The following TRDN variants were observed in gnomAD, a reference collection of about 807,000 sequenced individuals.
TRDN encodes triadin.
A neutral mutation model predicts 149.7 loss-of-function variants in TRDN; 161 were observed. The ratio of observed to expected loss-of-function variants is 1.08; its 90% CI spans 0.95 to 1.23. TRDN has a LOEUF of 1.23. Ranked by LOEUF, TRDN falls within the 50% of genes most tolerant of loss-of-function variation. TRDN has a pLI of 0.00. For missense variants in TRDN, 896 were observed against 823.5 expected (o/e 1.09, Z -1.08); for synonymous variants, 294 against 250.5 (o/e 1.17, Z -1.64).
intron 23 of TRDN, among the ~76,000 whole-genome samples, chr6:123,320,233 C>A (rs1319539874): frequency 6.6e-6 from 1 of 151,248 alleles, no homozygotes; most frequent in Non-Finnish European, 1.5e-5. Flanking sequence ...TATTTTGCAC[C>A]AATGACACTT....
chr6:123,327,764 C>A (rs1397524784), intron 23 of TRDN, among the ~76,000 whole-genome samples: 2 of 152,030 alleles, frequency 1.3e-5, no homozygotes, highest in Non-Finnish European at 2.9e-5. Flanking sequence ...ATGAAGATGG[C>A]TTTTCTGCAA....
intron 23 of TRDN, among the ~76,000 whole-genome samples, chr6:123,324,475 G>A (rs6919318): frequency 0.34 from 52,282 of 151,574 alleles, 9,825 homozygotes; most frequent in East Asian, 0.77. Context: ...AAAACAAAAC[G>A]AAACAAAATA....
At chr6:123,540,174 T>A (rs11154178) in intron 4 of TRDN, among the ~76,000 whole-genome samples, 92,901 of 152,054 alleles carry the variant, frequency 0.61, 30,327 homozygotes, top group African/African-American at 0.82. Context: ...TGCATATTTC[T>A]TCTCTCTGTC....
At chr6:123,418,246 A>C (rs531027893) in intron 12 of TRDN, among the ~76,000 whole-genome samples, 3 of 152,206 alleles carry the variant, frequency 2.0e-5, no homozygotes, top group Non-Finnish European at 2.9e-5. Context: ...CAGTAGGAAA[A>C]AGACTAAAAA....
At chr6:123,532,152 G>A (rs1780281030) in intron 4 of TRDN, among the ~76,000 whole-genome samples, 1 of 151,992 alleles carries the variant, frequency 6.6e-6, no homozygotes, top group South Asian at 2.1e-4. Flanking sequence ...AATCCAAATT[G>A]AGATGTGCTG....
intron 10 of TRDN, among the ~76,000 whole-genome samples, chr6:123,446,731 C>T (rs1450926892): frequency 2.0e-5 from 3 of 152,058 alleles, no homozygotes; most frequent in East Asian, 1.9e-4. Context: ...TTTCCATTTC[C>T]CTGTGAGTAA....
At chr6:123,386,756 G>A (rs79745104) in intron 14 of TRDN, among the ~76,000 whole-genome samples, 242 of 152,280 alleles carry the variant, frequency 1.6e-3, no homozygotes, top group African/African-American at 5.5e-3. Flanking sequence ...CAGCAATGAC[G>A]TGTCCCCAAC....
In TRDN at chr6:123,341,103, TAC is replaced by T. The variant is rs553878327; in HGVS notation, c.1370-3436_1370-3435del. 2.8e-3 allele frequency among the ~76,000 whole-genome samples: 429 copies of T among 152,018 alleles called. 3 individuals are homozygous for T. Among genetic ancestry groups the T allele is most frequent in the Non-Finnish European group, 4.6e-3 (309 of 67,842 alleles). Reference sequence around the variant, plus strand: ...CCAACATATAAAATTTATAAGTAAATACAGAGACAGAATTTTCAAGTTGCCTA... The same window carrying T: ...CCAACATATAAAATTTATAAGTAAATAGAGACAGAATTTTCAAGTTGCCTA... On this transcript the variant is annotated intron_variant, in intron 21 of 40. Transcript: ENST00000334268.
At chr6:123,326,832 T>C (rs1779474377) in intron 23 of TRDN, among the ~76,000 whole-genome samples, 1 of 152,086 alleles carries the variant, frequency 6.6e-6, no homozygotes, top group Admixed American at 6.6e-5. Flanking sequence ...AAATTTCAAG[T>C]GCTTGCTTTC....
At chr6:123,435,348 T>C (rs1020768820) in intron 12 of TRDN, among the ~76,000 whole-genome samples, 5 of 152,062 alleles carry the variant, frequency 3.3e-5, no homozygotes, top group Non-Finnish European at 7.4e-5. Context: ...ATTTCTCTCA[T>C]TATCTCTGTA....
chr6:123,360,296 C>G (rs1374893865), intron 20 of TRDN, among the ~76,000 whole-genome samples: 1 of 151,926 alleles, frequency 6.6e-6, no homozygotes, highest in Non-Finnish European at 1.5e-5. Context: ...GCAGATATAT[C>G]TCAAAAGGAA....
chr6:123,393,741 A>G, intron 12 of TRDN, 64 bp from the exon 13 acceptor site: 1 of 1,452,594 alleles, frequency 6.9e-7, no homozygotes, highest in Non-Finnish European at 9.4e-7. Flanking sequence ...TAAATAAAAA[A>G]GGGACAGGGG....
At chr6:123,559,078 C>A (rs1323262269) in intron 2 of TRDN, among the ~76,000 whole-genome samples, 1 of 152,248 alleles carries the variant, frequency 6.6e-6, no homozygotes, top group Non-Finnish European at 1.5e-5. Flanking sequence ...GACTCCTTCC[C>A]AGATCTTCTT....
intron 24 of TRDN, among the ~76,000 whole-genome samples, chr6:123,311,107 A>G (rs1582853351): frequency 6.6e-6 from 1 of 152,118 alleles, no homozygotes; most frequent in South Asian, 2.1e-4. Context: ...TTTATAAAGA[A>G]AAGAGGCTTA....
At chr6:123,575,696 CTA>C (rs1287405865) in intron 1 of TRDN, among the ~76,000 whole-genome samples, 1 of 151,982 alleles carries the variant, frequency 6.6e-6, no homozygotes, top group East Asian at 1.9e-4. Context: ...CGACTCTTTC[CTA>C]TAGAGTAAAA....
intron 12 of TRDN, among the ~76,000 whole-genome samples, chr6:123,413,812 A>G (rs1372645399): frequency 1.3e-5 from 2 of 152,168 alleles, no homozygotes; most frequent in Non-Finnish European, 2.9e-5. Context: ...GGCTTCTTAC[A>G]GATAAAGAGA....
At chr6:123,385,618 C>T (rs970132239) in intron 14 of TRDN, among the ~76,000 whole-genome samples, 3 of 152,012 alleles carry the variant, frequency 2.0e-5, no homozygotes, top group Non-Finnish European at 2.9e-5. Flanking sequence ...GATTTATCTT[C>T]GGGTCTGAAT....
At chr6:123,613,170 G>C (rs1413266352) in intron 1 of TRDN, among the ~76,000 whole-genome samples, 1 of 152,092 alleles carries the variant, frequency 6.6e-6, no homozygotes, top group Non-Finnish European at 1.5e-5. Context: ...CAAATCTGAG[G>C]CTCATATTGT....
intron 1 of TRDN, among the ~76,000 whole-genome samples, chr6:123,579,421 C>T (rs534249475): frequency 1.1e-4 from 16 of 152,056 alleles, no homozygotes; most frequent in Non-Finnish European, 2.1e-4. Flanking sequence ...ATCTTTGGTT[C>T]CATTTATTTG....
Sources: allele counts gnomAD v4.1 joint callset (sites outside exome capture counted in the v4.1 genomes callset), GRCh38; gene constraint gnomAD v4.1.1; transcripts MANE v1.5; gene names NCBI Gene and HGNC (gene_info 2026-07-23, HGNC 2026-07-21).